Variants in PRR16 observed in about 807,000 individuals in gnomAD.
PRR16 encodes proline rich 16.
Under a neutral mutation model 18.2 loss-of-function variants are expected in PRR16, and 6 were observed. That is an observed-to-expected ratio of 0.33 (90% CI 0.18 to 0.65). The LOEUF (loss-of-function observed/expected upper bound fraction) is 0.65, where lower values mean the gene tolerates loss of function less well. PRR16 is among the 30% of genes least tolerant of loss of function. The pLI is 0.74. For synonymous variants in PRR16, 151 were observed against 147.8 expected (o/e 1.02, Z -0.16); for missense variants, 412 against 376.6 (o/e 1.09, Z -0.78).
intron 1 of PRR16, among the ~76,000 whole-genome samples, chr5:120,655,762 A>G (rs1212062973): frequency 6.7e-6 from 1 of 148,838 alleles, no homozygotes; most frequent in Non-Finnish European, 1.5e-5. Context: ...AATGCAACCC[A>G]TATTTTCAAA....
intron 1 of PRR16, among the ~76,000 whole-genome samples, chr5:120,494,674 A>G (rs1176828073): frequency 1.3e-5 from 2 of 152,124 alleles, no homozygotes; most frequent in Non-Finnish European, 2.9e-5. Flanking sequence ...GTTAAGTATA[A>G]GAACCTAGCC....
chr5:120,494,319 A>G (rs992270889), intron 1 of PRR16, among the ~76,000 whole-genome samples: 1 of 152,016 alleles, frequency 6.6e-6, no homozygotes, highest in Non-Finnish European at 1.5e-5. Flanking sequence ...TGCTGTACAC[A>G]TAGCGTCTCT....
chr5:120,464,639 TA>T lies in PRR16; in HGVS notation c.155del (p.Lys52ArgfsTer10). On this transcript the variant is annotated frameshift_variant, in exon 1 of 2. Coordinates refer to ENST00000407149, the MANE Select transcript of PRR16 (RefSeq NM_001300783.2). LOFTEE classifies it high-confidence loss of function. Reference sequence around the variant, plus strand: ...ACCTGAAGGACGTGGCCAAGGAACTTAAGGAGGTGAGAGGCGCAGGGGTGGG... The same window carrying T: ...ACCTGAAGGACGTGGCCAAGGAACTTAGGAGGTGAGAGGCGCAGGGGTGGG... ...GDLKDVAKEL[K>X]EVVDQIDTLT... is the part of the protein sequence containing the mutation. 6.4e-7 allele frequency: 1 copy of T among 1,561,296 alleles called. No individual in the cohort carries two copies. The highest frequency in any genetic ancestry group is 8.6e-7 in the Non-Finnish European group (1 of 1,160,936).
chr5:120,581,243 G>A (rs1753261988), intron 1 of PRR16, among the ~76,000 whole-genome samples: 1 of 152,148 alleles, frequency 6.6e-6, no homozygotes, highest in Non-Finnish European at 1.5e-5. Flanking sequence ...TCCTGGTTTA[G>A]TCTTGGTAGG....
chr5:120,777,005 A>G, the PRR16 span, among the ~76,000 whole-genome samples: 1 of 152,068 alleles, frequency 6.6e-6, no homozygotes, highest in Non-Finnish European at 1.5e-5. Context: ...CAGAAATCCT[A>G]GAAGGCTGGA....
intron 1 of PRR16, among the ~76,000 whole-genome samples, chr5:120,651,405 T>C (rs1212132582): frequency 1.3e-5 from 2 of 152,176 alleles, no homozygotes; most frequent in East Asian, 3.9e-4. Flanking sequence ...TCCTTGCCCA[T>C]GCCTATGTCC....
chr5:120,473,421 G>T (rs1749332944), intron 1 of PRR16, among the ~76,000 whole-genome samples: 1 of 152,038 alleles, frequency 6.6e-6, no homozygotes, highest in South Asian at 2.1e-4. Flanking sequence ...TTTTCAAATT[G>T]CTCTGCTGTG....
At chr5:120,533,073 A>G (rs1671482225) in intron 1 of PRR16, among the ~76,000 whole-genome samples, 1 of 152,162 alleles carries the variant, frequency 6.6e-6, no homozygotes. Context: ...GGGCTACGGC[A>G]ACTGCACTCT....
the PRR16 span, among the ~76,000 whole-genome samples, chr5:120,750,143 A>C: frequency 6.6e-6 from 1 of 152,148 alleles, no homozygotes; most frequent in Non-Finnish European, 1.5e-5. Flanking sequence ...TTTTTGTGGG[A>C]GTTTACAACA....
At chr5:120,476,291 G>A (rs904632334) in intron 1 of PRR16, among the ~76,000 whole-genome samples, 1 of 152,074 alleles carries the variant, frequency 6.6e-6, no homozygotes, top group African/African-American at 2.4e-5. Flanking sequence ...CCTTGTCTCT[G>A]TCTTTCCTTC....
the PRR16 span, among the ~76,000 whole-genome samples, chr5:120,755,869 T>C: frequency 1.3e-5 from 2 of 151,952 alleles, no homozygotes; most frequent in Non-Finnish European, 2.9e-5. Context: ...AAAGCACAGA[T>C]TTACTGAAAG....
the PRR16 span, among the ~76,000 whole-genome samples, chr5:120,718,402 T>C: frequency 1.3e-5 from 2 of 152,126 alleles, no homozygotes; most frequent in African/African-American, 2.4e-5. Flanking sequence ...AAGAAACCTA[T>C]CTTTTTAATC....
At chr5:120,775,794 C>CTT in the PRR16 span, among the ~76,000 whole-genome samples, 7 of 122,572 alleles carry the variant, frequency 5.7e-5, no homozygotes, top group African/African-American at 2.4e-4. Flanking sequence ...CTACGCCTGG[C>CTT]TATTTTTTTT....
chr5:120,556,243 T>G (rs1010519304), intron 1 of PRR16, among the ~76,000 whole-genome samples: 1 of 149,976 alleles, frequency 6.7e-6, no homozygotes, highest in Non-Finnish European at 1.5e-5. Context: ...GTTTTTTTTT[T>G]TTTTTTTTTG....
chr5:120,631,175 T>TAAAAC (rs1561583345), intron 1 of PRR16, among the ~76,000 whole-genome samples: 2 of 151,736 alleles, frequency 1.3e-5, no homozygotes, highest in Non-Finnish European at 2.9e-5. Context: ...GACAGTAAAA[T>TAAAAC]AAGAGTTGAT....
chr5:120,672,950 A>G (rs1469230520), intron 1 of PRR16, among the ~76,000 whole-genome samples: 1 of 152,198 alleles, frequency 6.6e-6, no homozygotes, highest in East Asian at 1.9e-4. Flanking sequence ...TACTAAAGCA[A>G]TTGTGATGAA....
chr5:120,539,805 T>C (rs902377030), intron 1 of PRR16, among the ~76,000 whole-genome samples: 1 of 152,218 alleles, frequency 6.6e-6, no homozygotes, highest in Non-Finnish European at 1.5e-5. Flanking sequence ...TGTAATTGGA[T>C]GTTGTGAAAA....
At chr5:120,465,432 C>T (rs80038448) in intron 1 of PRR16, among the ~76,000 whole-genome samples, 18,053 of 152,258 alleles carry the variant, frequency 0.12, 1,262 homozygotes, top group Middle Eastern at 0.25. Context: ...TGGCTCTCTG[C>T]AGCTGGGACT....
At chr5:120,585,630 A>G (rs1753415406) in intron 1 of PRR16, among the ~76,000 whole-genome samples, 1 of 150,352 alleles carries the variant, frequency 6.7e-6, no homozygotes, top group South Asian at 2.1e-4. Flanking sequence ...AAAAAAAAAA[A>G]GCTCCTTCTT....
Sources: allele counts gnomAD v4.1 joint callset (sites outside exome capture counted in the v4.1 genomes callset), GRCh38; gene constraint gnomAD v4.1.1; transcripts MANE v1.5; gene names NCBI Gene and HGNC (gene_info 2026-07-23, HGNC 2026-07-21).